Variants in MGLL observed in about 807,000 individuals in gnomAD.
MGLL encodes lysophospholipase homolog.
Under a neutral mutation model 29.1 loss-of-function variants are expected in MGLL, and 7 were observed. The ratio of observed to expected loss-of-function variants is 0.24; its 90% confidence interval spans 0.14 to 0.45. The LOEUF is 0.45. Among genes scored for constraint, MGLL ranks in the 20% least tolerant of loss-of-function variants. The probability of loss-of-function intolerance (pLI) is 0.99; values close to 1 mark genes in which losing one functional copy is unlikely to be tolerated. For synonymous variants in MGLL, 148 were observed against 168.3 expected (o/e 0.88, Z 0.93); for missense variants, 356 against 413.6 (o/e 0.86, Z 1.21).
chr3:127,734,775 T>A (rs971403218), intron 3 of MGLL, among the ~76,000 whole-genome samples: 2 of 152,340 alleles, frequency 1.3e-5, no homozygotes, highest in East Asian at 3.9e-4. Context: ...TTCCTGGTCA[T>A]CTCTCCTCAG....
intron 2 of MGLL, among the ~76,000 whole-genome samples, chr3:127,815,158 C>T (rs1193016558): frequency 2.0e-5 from 3 of 152,270 alleles, no homozygotes; most frequent in Non-Finnish European, 1.5e-5. Context: ...TAACTGGTGA[C>T]GTCTGAAATG....
At chr3:127,777,334 G>C (rs573562369) in intron 3 of MGLL, among the ~76,000 whole-genome samples, 1 of 152,336 alleles carries the variant, frequency 6.6e-6, no homozygotes, top group South Asian at 2.1e-4. Flanking sequence ...AGTGTGGCAT[G>C]GCAGAGATGG....
intron 3 of MGLL, among the ~76,000 whole-genome samples, chr3:127,728,926 A>G (rs999702695): frequency 6.6e-6 from 1 of 152,082 alleles, no homozygotes; most frequent in Non-Finnish European, 1.5e-5. Flanking sequence ...ATGATAGGAG[A>G]CAAAGTGTGG....
intron 2 of MGLL, among the ~76,000 whole-genome samples, chr3:127,793,141 A>G (rs1248560794): frequency 1.3e-5 from 2 of 152,184 alleles, no homozygotes; most frequent in Non-Finnish European, 2.9e-5. Context: ...GCTCCACCAG[A>G]GAAATAAAGC....
intron 5 of MGLL, among the ~76,000 whole-genome samples, chr3:127,718,157 G>C (rs1224726241): frequency 1.3e-5 from 2 of 151,980 alleles, no homozygotes; most frequent in East Asian, 3.9e-4. Flanking sequence ...CACATTGCAG[G>C]GGGTGGGGGC....
chr3:127,753,731 CAGG>C (rs1559946604), intron 3 of MGLL, among the ~76,000 whole-genome samples: 1 of 152,176 alleles, frequency 6.6e-6, no homozygotes, highest in Admixed American at 6.5e-5. Context: ...GCAAGAAGAG[CAGG>C]AGATGTTCCA....
At chr3:127,774,692 ACT>A (rs1433286123) in intron 3 of MGLL, among the ~76,000 whole-genome samples, 1 of 151,714 alleles carries the variant, frequency 6.6e-6, no homozygotes, top group Non-Finnish European at 1.5e-5. Flanking sequence ...TGTTACACAC[ACT>A]CTCTCAGGGG....
At chr3:127,806,640 GATGAATGGATGTAT>G (rs1239846189) in intron 2 of MGLL, among the ~76,000 whole-genome samples, 1 of 152,038 alleles carries the variant, frequency 6.6e-6, no homozygotes, top group Non-Finnish European at 1.5e-5. Flanking sequence ...TAGATGGAAG[GATGAATGGATGTAT>G]GGATGGGTAG....
upstream of MGLL, chr3:127,822,919 G>GCA (rs1388341094): frequency 1.3e-5 from 2 of 155,038 alleles, no homozygotes; most frequent in East Asian, 2.0e-4. Flanking sequence ...GCGCGCGCGC[G>GCA]CACACGCGCG....
chr3:127,754,852 G>A (rs2076630930), intron 3 of MGLL, among the ~76,000 whole-genome samples: 1 of 152,172 alleles, frequency 6.6e-6, no homozygotes, highest in Non-Finnish European at 1.5e-5. Flanking sequence ...TGCATCTTGG[G>A]AGCTGTATTT....
chr3:127,821,796 C>T lies in MGLL; in HGVS notation c.53G>A (p.Arg18Lys). The change falls in exon 2 of 8, where the codon AGG (arginine) becomes AAG (lysine). Residue 18 changes from arginine to lysine, a missense_variant. Arg to Lys is a conservative substitution (Grantham distance 26). Transcript: ENST00000265052. ...PSSMPEESSPRRTPQSIPYQD... is the reference protein window; with the variant it reads ...PSSMPEESSPKRTPQSIPYQD... Reference sequence around the variant, plus strand: ...GTAGGGAATGCTCTGCGGGGTCCGCCTGGGGGAACTTTCCTCTGGCATGCT... The same window carrying T: ...GTAGGGAATGCTCTGCGGGGTCCGCTTGGGGGAACTTTCCTCTGGCATGCT... 1 of 1,614,122 alleles carries T rather than the reference C, an allele frequency of 6.2e-7. No individual in the cohort carries two copies. Among genetic ancestry groups the T allele is most frequent in the Non-Finnish European group, 8.5e-7 (1 of 1,180,004 alleles).
At chr3:127,741,410 G>A (rs1351940009) in intron 3 of MGLL, among the ~76,000 whole-genome samples, 4 of 152,370 alleles carry the variant, frequency 2.6e-5, no homozygotes, top group Middle Eastern at 3.4e-3. Context: ...GCTCCCAGGG[G>A]GCATGGCCCT....
At chr3:127,707,990 C>G (rs570840746) in intron 6 of MGLL, among the ~76,000 whole-genome samples, 1 of 152,346 alleles carries the variant, frequency 6.6e-6, no homozygotes, top group African/African-American at 2.4e-5. Context: ...GGCCTGTGCA[C>G]TCTTGAGTCC....
intron 2 of MGLL, among the ~76,000 whole-genome samples, chr3:127,813,328 G>C (rs1432611167): frequency 6.6e-6 from 1 of 152,120 alleles, no homozygotes; most frequent in Admixed American, 6.5e-5. Context: ...GCTGCTCTAA[G>C]TAGGTCTCTG....
intron 2 of MGLL, among the ~76,000 whole-genome samples, chr3:127,796,239 C>T (rs2077379850): frequency 6.6e-6 from 1 of 152,210 alleles, no homozygotes; most frequent in Admixed American, 6.5e-5. Context: ...TTCTGAGGAA[C>T]ACAGAAGCCC....
chr3:127,810,469 T>C (rs2077642606), intron 2 of MGLL, among the ~76,000 whole-genome samples: 1 of 152,166 alleles, frequency 6.6e-6, no homozygotes, highest in South Asian at 2.1e-4. Context: ...AGAGTGTGAT[T>C]CCCTTCGGCC....
chr3:127,716,118 G>T (rs557180390), intron 5 of MGLL, among the ~76,000 whole-genome samples: 2 of 152,278 alleles, frequency 1.3e-5, no homozygotes, highest in African/African-American at 4.8e-5. Flanking sequence ...AGGATAATTT[G>T]GGGCCAAAAC....
chr3:127,694,772 A>G (rs2075323380), intron 7 of MGLL, among the ~76,000 whole-genome samples: 1 of 152,146 alleles, frequency 6.6e-6, no homozygotes, highest in African/African-American at 2.4e-5. Context: ...ATGCAAAACA[A>G]TCAGCAAATG....
intron 3 of MGLL, among the ~76,000 whole-genome samples, chr3:127,757,770 C>A (rs1435337239): frequency 6.6e-6 from 1 of 152,142 alleles, no homozygotes; most frequent in South Asian, 2.1e-4. Context: ...CTGGGTAGAT[C>A]CGAATCCAAG....
Sources: allele counts gnomAD v4.1 joint callset (sites outside exome capture counted in the v4.1 genomes callset), GRCh38; gene constraint gnomAD v4.1.1; transcripts MANE v1.5; gene names NCBI Gene and HGNC (gene_info 2026-07-23, HGNC 2026-07-21).